The following TYW1B variants were observed in gnomAD, a reference collection of about 807,000 sequenced individuals.
TYW1B encodes S-adenosyl-L-methionine-dependent tRNA 4-demethylwyosine synthase TYW1B.
TYW1B carries 73 observed loss-of-function variants against 86.9 expected under a neutral mutation model. That is an observed-to-expected ratio of 0.84 (90% confidence interval 0.70 to 1.02). The LOEUF (loss-of-function observed/expected upper bound fraction) is 1.02. TYW1B is among the 50% of genes least tolerant of loss of function. TYW1B has a pLI of 0.00. For synonymous variants in TYW1B, 248 were observed against 292.8 expected (o/e 0.85, Z 1.56); for missense variants, 637 against 827.4 (o/e 0.77, Z 2.82).
At chr7:72,769,787 C>G (rs2129571864) in intron 7 of TYW1B, among the ~76,000 whole-genome samples, 1 of 152,284 alleles carries the variant, frequency 6.6e-6, no homozygotes, top group Non-Finnish European at 1.5e-5. Flanking sequence ...ACAAGATGTT[C>G]TTGGCTGGGC....
chr7:72,593,230 T>C (rs1316398417), intron 13 of TYW1B, among the ~76,000 whole-genome samples: 21 of 150,360 alleles, frequency 1.4e-4, no homozygotes, highest in African/African-American at 4.9e-4. Context: ...GAGGTGGAGG[T>C]TGTGGCGAGC....
At chr7:72,644,826 C>CTTTT (rs371295909) in intron 11 of TYW1B, among the ~76,000 whole-genome samples, 11 of 119,612 alleles carry the variant, frequency 9.2e-5, no homozygotes, top group South Asian at 2.6e-4. Flanking sequence ...CATGACTTTC[C>CTTTT]TTTTTTTTTT....
intron 3 of TYW1B, among the ~76,000 whole-genome samples, chr7:72,812,843 G>A (rs1259646586): frequency 6.6e-6 from 1 of 151,228 alleles, no homozygotes; most frequent in Non-Finnish European, 1.5e-5. Flanking sequence ...CTACAGGCGT[G>A]CACCACCATG....
intron 2 of TYW1B, among the ~76,000 whole-genome samples, chr7:72,824,724 G>C (rs539023967): frequency 1.3e-5 from 2 of 152,224 alleles, no homozygotes; most frequent in Non-Finnish European, 2.9e-5. Context: ...CTGGGGGACA[G>C]AGTGAGATAC....
intron 12 of TYW1B, among the ~76,000 whole-genome samples, chr7:72,619,533 C>T (rs868925877): frequency 4.0e-5 from 6 of 149,398 alleles, no homozygotes; most frequent in African/African-American, 7.4e-5. Context: ...CCCAGCTACT[C>T]GGGAGGCTGA....
intron 11 of TYW1B, among the ~76,000 whole-genome samples, chr7:72,671,660 G>T (rs1460077450): frequency 2.0e-5 from 3 of 151,986 alleles, no homozygotes; most frequent in Non-Finnish European, 4.4e-5. Flanking sequence ...TTCATTAAAG[G>T]ATTTCTTTTC....
chr7:72,595,152 G>A (rs1473856860), intron 13 of TYW1B, among the ~76,000 whole-genome samples: 1 of 152,074 alleles, frequency 6.6e-6, no homozygotes, highest in Non-Finnish European at 1.5e-5. Flanking sequence ...AATTAGGTAA[G>A]AAGAAGAAAT....
intron 9 of TYW1B, among the ~76,000 whole-genome samples, chr7:72,727,756 G>A (rs1554458995): frequency 3.4e-5 from 5 of 145,014 alleles, no homozygotes; most frequent in Non-Finnish European, 7.4e-5. Flanking sequence ...GAAGGTTGCA[G>A]TGAGCCAAGA....
At chr7:72,802,932 C>T (rs1179203807) in intron 5 of TYW1B, among the ~76,000 whole-genome samples, 1 of 152,084 alleles carries the variant, frequency 6.6e-6, no homozygotes, top group Non-Finnish European at 1.5e-5. Context: ...TCTATAAATT[C>T]TTACTTTAAA....
At chr7:72,593,021 G>C (rs1554431793) in intron 13 of TYW1B, among the ~76,000 whole-genome samples, 3 of 152,116 alleles carry the variant, frequency 2.0e-5, no homozygotes, top group African/African-American at 7.2e-5. Context: ...TAAAGCACTT[G>C]GATGGGCACG....
chr7:72,698,732 C>T (rs1814385862), intron 10 of TYW1B, among the ~76,000 whole-genome samples: 1 of 152,096 alleles, frequency 6.6e-6, no homozygotes, highest in Admixed American at 6.6e-5. Flanking sequence ...CAGAGCCTTT[C>T]TCCTAACCCT....
At chr7:72,734,873 C>A (rs1554460654) in intron 8 of TYW1B, among the ~76,000 whole-genome samples, 1 of 152,174 alleles carries the variant, frequency 6.6e-6, no homozygotes, top group African/African-American at 2.4e-5. Flanking sequence ...CTCAACATCA[C>A]TAATCATCAG....
At chr7:72,587,253 G>A (rs1474525699) in intron 13 of TYW1B, among the ~76,000 whole-genome samples, 2 of 152,182 alleles carry the variant, frequency 1.3e-5, no homozygotes, top group African/African-American at 4.8e-5. Context: ...ACAAAAAAGA[G>A]TGTTACTGAA....
chr7:72,682,427 G>A (rs1454990673), intron 11 of TYW1B, among the ~76,000 whole-genome samples: 2 of 152,144 alleles, frequency 1.3e-5, no homozygotes, highest in Non-Finnish European at 2.9e-5. Flanking sequence ...ACTGGGCTAG[G>A]AAAGAACCAG....
intron 2 of TYW1B, among the ~76,000 whole-genome samples, chr7:72,815,734 T>C (rs1294848897): frequency 2.0e-5 from 3 of 152,152 alleles, no homozygotes; most frequent in Non-Finnish European, 4.4e-5. Flanking sequence ...TCAATCTGCC[T>C]TGCCCTACTA....
intron 3 of TYW1B, among the ~76,000 whole-genome samples, chr7:72,813,281 T>G (rs1459788587): frequency 1.3e-5 from 2 of 150,604 alleles, no homozygotes; most frequent in Non-Finnish European, 3.0e-5. Context: ...GTTCAAGCAA[T>G]TCTCCTGCCT....
intron 8 of TYW1B, among the ~76,000 whole-genome samples, chr7:72,739,279 T>C (rs547935913): frequency 1.5e-4 from 23 of 152,180 alleles, no homozygotes; most frequent in African/African-American, 5.3e-4. Context: ...CTGCTTACGT[T>C]AAAAAAACTC....
At chr7:72,610,520 A>T (rs1290765969) in intron 13 of TYW1B, among the ~76,000 whole-genome samples, 1 of 151,628 alleles carries the variant, frequency 6.6e-6, no homozygotes, top group Non-Finnish European at 1.5e-5. Context: ...CAGGTCTACC[A>T]CTCACCACTC....
chr7:72,699,419 T>C (rs1814403610), intron 10 of TYW1B, among the ~76,000 whole-genome samples: 1 of 152,158 alleles, frequency 6.6e-6, no homozygotes, highest in African/African-American at 2.4e-5. Context: ...TCAGTGCTGA[T>C]GAAAGTCACG....
Sources: gnomAD v4.1 joint callset for allele counts (sites outside exome capture counted in the v4.1 genomes callset) on GRCh38, gnomAD v4.1.1 for gene constraint, MANE v1.5 for transcripts, NCBI Gene and HGNC (gene_info 2026-07-23, HGNC 2026-07-21) for gene names.